The following DAB1 variants were observed in gnomAD, a reference collection of about 807,000 sequenced individuals.
DAB1 encodes the protein DAB adaptor protein 1.
In DAB1, 15 loss-of-function variants were observed where a neutral mutation model predicts 64.6. That is an observed-to-expected ratio of 0.23 (90% CI 0.16 to 0.36). DAB1 has a LOEUF of 0.36. Ranked by LOEUF, DAB1 falls within the 10% of genes least tolerant of loss-of-function variation. DAB1 has a pLI of 1.00. For missense variants in DAB1, 596 were observed against 706.7 expected, an observed-to-expected ratio of 0.84 and a Z score of 1.78; for synonymous variants, 235 against 251.9, an observed-to-expected ratio of 0.93 and a Z score of 0.64.
chr1:57,758,508 G>A (rs774200097), intron 6 of DAB1, among the ~76,000 whole-genome samples: 10 of 152,136 alleles, frequency 6.6e-5, no homozygotes, highest in Non-Finnish European at 1.2e-4. Context: ...TGCTGGATAC[G>A]GATTCTACTT....
chr1:58,544,255 TG>T (rs1239453364), intron 1 of DAB1, among the ~76,000 whole-genome samples: 2 of 152,202 alleles, frequency 1.3e-5, no homozygotes, highest in African/African-American at 4.8e-5. Context: ...ACCTCTGAAC[TG>T]TATTATTATT....
intron 4 of DAB1, among the ~76,000 whole-genome samples, chr1:58,280,962 T>A (rs1448149475): frequency 6.6e-6 from 1 of 152,082 alleles, no homozygotes; most frequent in African/African-American, 2.4e-5. Context: ...GGAGTTGGGA[T>A]GGGCCATGTC....
At chr1:58,074,032 C>T (rs1649440954) in intron 5 of DAB1, among the ~76,000 whole-genome samples, 2 of 152,166 alleles carry the variant, frequency 1.3e-5, no homozygotes, top group Admixed American at 1.3e-4. Flanking sequence ...CAGGTTCAAA[C>T]CAACCTTGAG....
chr1:57,066,981 G>A (rs1650972195), intron 8 of DAB1, among the ~76,000 whole-genome samples: 1 of 151,608 alleles, frequency 6.6e-6, no homozygotes, highest in African/African-American at 2.4e-5. Context: ...CTGCAATTCA[G>A]GAGAAATAGC....
At chr1:57,482,121 GA>G (rs1436647531) in intron 7 of DAB1, among the ~76,000 whole-genome samples, 1 of 151,920 alleles carries the variant, frequency 6.6e-6, no homozygotes, top group Non-Finnish European at 1.5e-5. Context: ...TGACAAAGGG[GA>G]AAAAGGCCAT....
intron 7 of DAB1, among the ~76,000 whole-genome samples, chr1:57,558,273 A>G (rs561154425): frequency 6.6e-6 from 1 of 152,222 alleles, no homozygotes; most frequent in East Asian, 1.9e-4. Context: ...GAGGAGATAA[A>G]CCCTGTGTTG....
intron 3 of DAB1, among the ~76,000 whole-genome samples, chr1:58,372,453 A>G (rs1644273658): frequency 6.6e-6 from 1 of 152,104 alleles, no homozygotes; most frequent in East Asian, 1.9e-4. Context: ...TCAGAGGTGG[A>G]AGGGACTTGC....
At chr1:57,540,341 G>A (rs1377365895) in intron 7 of DAB1, among the ~76,000 whole-genome samples, 9 of 152,206 alleles carry the variant, frequency 5.9e-5, no homozygotes, top group African/African-American at 1.9e-4. Context: ...CTTATACACT[G>A]TTGGTGGGAA....
At chr1:58,227,715 G>C (rs1320067331) in intron 4 of DAB1, among the ~76,000 whole-genome samples, 1 of 152,178 alleles carries the variant, frequency 6.6e-6, no homozygotes, top group Non-Finnish European at 1.5e-5. Flanking sequence ...AGGTCATGGA[G>C]GGAGAAGAGA....
At chr1:57,225,529 G>A (rs1667197961) in intron 2 of DAB1, among the ~76,000 whole-genome samples, 1 of 152,122 alleles carries the variant, frequency 6.6e-6, no homozygotes, top group Non-Finnish European at 1.5e-5. Context: ...TCTGACTTCA[G>A]TTCTGCTCAA....
At chr1:57,882,727 T>C (rs1440889767) in intron 1 of DAB1, among the ~76,000 whole-genome samples, 1 of 152,156 alleles carries the variant, frequency 6.6e-6, no homozygotes, top group East Asian at 1.9e-4. Context: ...GACAAAACCA[T>C]AGAGACTTAC....
chr1:58,491,526 C>T (rs1219019673), intron 3 of DAB1, among the ~76,000 whole-genome samples: 4 of 152,042 alleles, frequency 2.6e-5, no homozygotes, highest in South Asian at 2.1e-4. Flanking sequence ...ACCCATCTCA[C>T]GTGCAGAGAC....
At chr1:57,006,627 G>A (rs920235635) in intron 14 of DAB1, among the ~76,000 whole-genome samples, 16 of 152,152 alleles carry the variant, frequency 1.1e-4, no homozygotes, top group African/African-American at 3.9e-4. Flanking sequence ...TGTTCATAAA[G>A]GTCCAAGGAA....
chr1:58,304,832 A>G (rs770356604), intron 4 of DAB1, among the ~76,000 whole-genome samples: 4 of 152,124 alleles, frequency 2.6e-5, no homozygotes, highest in Non-Finnish European at 5.9e-5. Flanking sequence ...GCCTATCACA[A>G]TAACGATGAT....
chr1:57,241,674 G>T (rs1668504342), intron 2 of DAB1, among the ~76,000 whole-genome samples: 1 of 152,158 alleles, frequency 6.6e-6, no homozygotes, highest in Non-Finnish European at 1.5e-5. Context: ...GCCACCCACT[G>T]ATATGGAGTC....
intron 7 of DAB1, among the ~76,000 whole-genome samples, chr1:57,439,611 G>C: frequency 1.6e-5 from 2 of 127,844 alleles, no homozygotes; most frequent in East Asian, 2.5e-4. Flanking sequence ...TGTATTTTTA[G>C]TAGAGACGGG....
chr1:58,533,228 T>A (rs1646463891), intron 1 of DAB1, among the ~76,000 whole-genome samples: 2 of 152,224 alleles, frequency 1.3e-5, no homozygotes, highest in African/African-American at 2.4e-5. Flanking sequence ...TTCTATGATC[T>A]ATAAGAAAAG....
chr1:57,267,785 A>G (rs1290389160), intron 2 of DAB1, among the ~76,000 whole-genome samples: 1 of 152,224 alleles, frequency 6.6e-6, no homozygotes, highest in Middle Eastern at 3.2e-3. Context: ...CAAAACACAT[A>G]TCGGGAAACA....
At chr1:58,350,767 A>C (rs1557737519) in intron 3 of DAB1, among the ~76,000 whole-genome samples, 1 of 152,118 alleles carries the variant, frequency 6.6e-6, no homozygotes, top group Non-Finnish European at 1.5e-5. Flanking sequence ...AGATGGTTGT[A>C]GGTGTGTGGT....
Sources: allele counts gnomAD v4.1 joint callset (sites outside exome capture counted in the v4.1 genomes callset), GRCh38; gene constraint gnomAD v4.1.1; transcripts MANE v1.5; gene names NCBI Gene and HGNC (gene_info 2026-07-23, HGNC 2026-07-21).